Variants in RAP1GAP2 observed in about 807,000 individuals in gnomAD.
The protein encoded by RAP1GAP2 is rap1 GTPase-activating protein 2.
RAP1GAP2 carries 27 observed loss-of-function variants against 95.0 expected under a neutral mutation model. That is an observed-to-expected ratio of 0.28 (90% confidence interval 0.21 to 0.39). The LOEUF (loss-of-function observed/expected upper bound fraction) is 0.39, where lower values mean the gene tolerates loss of function less well. RAP1GAP2 is among the 10% of genes least tolerant of loss of function. The pLI is 1.00. For missense variants in RAP1GAP2, 771 were observed against 970.0 expected (o/e 0.79, Z 2.72); for synonymous variants, 373 against 380.9 (o/e 0.98, Z 0.24).
intron 19 of RAP1GAP2, 82 bp downstream of exon 19, chr17:3,020,677 A>G (rs2046931413): frequency 8.0e-7 from 1 of 1,252,486 alleles, no homozygotes; most frequent in African/African-American, 1.5e-5. Context: ...TCAGTGCCCT[A>G]CCTTGCAGGG....
intron 2 of RAP1GAP2, among the ~76,000 whole-genome samples, chr17:2,771,186 A>C (rs534934010): frequency 9.9e-4 from 150 of 152,186 alleles, no homozygotes; most frequent in African/African-American, 3.5e-3. Context: ...TGCTGGGCAC[A>C]CTTTGCTTTG....
intron 2 of RAP1GAP2, among the ~76,000 whole-genome samples, chr17:2,823,811 G>A (rs1165859485): frequency 6.6e-6 from 1 of 152,156 alleles, no homozygotes; most frequent in African/African-American, 2.4e-5. Context: ...AGAATGGGAA[G>A]CAACACGACT....
chr17:2,853,092 C>T (rs1200123789), intron 2 of RAP1GAP2, among the ~76,000 whole-genome samples: 2 of 152,084 alleles, frequency 1.3e-5, no homozygotes, highest in Non-Finnish European at 2.9e-5. Flanking sequence ...CTCCCAGGGC[C>T]GGGAGAGCCA....
Position 2,965,662 on chromosome 17 carries a change from T to C in RAP1GAP2, c.596+19T>C, listed in dbSNP as rs2044558827. Reference sequence around the variant, plus strand: ...TCCTTAGGTAGGGCTGTTGCGCTGCTTGAGGCCACTTCTCTTCCAGGCAGG... The same window carrying C: ...TCCTTAGGTAGGGCTGTTGCGCTGCCTGAGGCCACTTCTCTTCCAGGCAGG... On this transcript the variant is annotated intron_variant, in intron 8 of 24. Transcript: ENST00000254695. The surrounding 1 kb of genome is among the most constrained non-coding windows in gnomAD (Gnocchi z 4.7). 4 of 1,524,630 alleles carry C rather than the reference T, an allele frequency of 2.6e-6. No homozygotes were observed. Among genetic ancestry groups the C allele is most frequent in the South Asian group, 1.2e-5 (1 of 85,964 alleles). 94.4% of individuals were successfully genotyped at this position (1,524,630 alleles called of 1,614,324 possible).
chr17:2,927,016 A>G (rs1430968499), intron 3 of RAP1GAP2, among the ~76,000 whole-genome samples: 4 of 151,158 alleles, frequency 2.6e-5, no homozygotes, highest in Admixed American at 2.0e-4. Context: ...AAAAAAAAAA[A>G]AAAAAAAAAA....
At chr17:2,873,125 G>A (rs1438564817) in intron 2 of RAP1GAP2, among the ~76,000 whole-genome samples, 2 of 148,770 alleles carry the variant, frequency 1.3e-5, no homozygotes, top group African/African-American at 2.5e-5. Flanking sequence ...ACGGAAAATA[G>A]TACTTCATCT....
At chr17:2,772,857 T>TTC (rs202093042), upstream of RAP1GAP2, among the ~76,000 whole-genome samples, 1,484 of 132,400 alleles carry the variant, frequency 0.011, 15 homozygotes, top group African/African-American at 0.04. Context: ...CTTTCTTTCT[T>TTC]TTTTTTTTTT....
chr17:2,961,071 G>T (rs1337097237), intron 4 of RAP1GAP2, among the ~76,000 whole-genome samples: 3 of 151,464 alleles, frequency 2.0e-5, no homozygotes, highest in Admixed American at 6.6e-5. Flanking sequence ...CAAAAAACTA[G>T]CTGGGCATGG....
At position 2,780,065 on chromosome 17, in the gene RAP1GAP2, T is replaced by A. The variant is rs568591647; in HGVS notation, c.-14+2787T>A. ...TCCACAAGCCTCCTCGTTCCTTTTT[T>A]TTGAGATGGAGTTTCGCTCTTGTTG... On this transcript the variant is annotated intron_variant, in intron 1 of 24. Coordinates refer to the RAP1GAP2 transcript ENST00000540393. Among the ~76,000 whole-genome samples the A allele has an allele frequency of 7.2e-5, 11 of 152,260 alleles. No homozygotes were observed. The South Asian group carries it at 2.1e-3, about 29-fold the overall frequency.
In RAP1GAP2 at chr17:2,850,667, A is replaced by G. The variant is rs1349232873; in HGVS notation, c.80+50117A>G. On this transcript the variant is annotated intron_variant, in intron 2 of 24. Coordinates refer to ENST00000254695, the MANE Select transcript of RAP1GAP2 (RefSeq NM_015085.5). ...CGGGAGGCTGAGGCAGGGGAATGGC[A>G]TGAACCCGGTTGGCGGAAGTTGCAG... is the stretch of plus-strand genomic sequence containing the variant. 4.0e-5 allele frequency among the ~76,000 whole-genome samples: 6 copies of G among 148,300 alleles called. No homozygotes were observed. In the Admixed American group the frequency reaches 4.1e-4, roughly 10 times the overall value.
chr17:3,013,508 A>G (rs1367940136), intron 17 of RAP1GAP2, among the ~76,000 whole-genome samples: 1 of 151,772 alleles, frequency 6.6e-6, no homozygotes, highest in Non-Finnish European at 1.5e-5. Context: ...CTGACTCCTC[A>G]CACTTACCCA....
chr17:2,767,359 T>TAAAAA (rs397857982), intron 1 of RAP1GAP2, among the ~76,000 whole-genome samples: 6 of 53,708 alleles, frequency 1.1e-4, no homozygotes, highest in East Asian at 1.5e-3. Flanking sequence ...GAGACTCTGT[T>TAAAAA]AAAAAAAAAA....
chr17:2,853,272 G>C (rs193180517), intron 2 of RAP1GAP2, among the ~76,000 whole-genome samples: 1 of 151,856 alleles, frequency 6.6e-6, no homozygotes, highest in African/African-American at 2.4e-5. Flanking sequence ...CCGGGCTCAG[G>C]TGCCCCCTGT....
At chr17:2,945,359 A>T (rs946400231) in intron 3 of RAP1GAP2, among the ~76,000 whole-genome samples, 1 of 152,120 alleles carries the variant, frequency 6.6e-6, no homozygotes, top group African/African-American at 2.4e-5. Context: ...GACTTCCTTT[A>T]TCAGCTCTAG....
Position 2,797,462 on chromosome 17 carries a change from G to A in RAP1GAP2, c.44+891G>A, listed in dbSNP as rs1048443240. Among the ~76,000 whole-genome samples, 7 of 152,116 alleles carry A rather than the reference G, an allele frequency of 4.6e-5. No individual in the cohort carries two copies. The highest frequency in any genetic ancestry group is 2.1e-4 in the South Asian group (1 of 4,822). ...TCCTTTCAGTGCCTGGGCTGGGGGC[G>A]TTGTCAGACTGGGAGAGGGCCCCGC... On this transcript the variant is annotated intron_variant, in intron 1 of 24. Coordinates refer to ENST00000254695, the MANE Select transcript of RAP1GAP2 (RefSeq NM_015085.5). The surrounding 1 kb of genome is among the most constrained non-coding windows in gnomAD (Gnocchi z 5.6).
Position 3,023,651 on chromosome 17 carries a change from A to G in RAP1GAP2, c.1752-2357A>G, listed in dbSNP as rs1031671882. On this transcript the variant is annotated intron_variant, in intron 19 of 24. Coordinates refer to ENST00000254695, the MANE Select transcript of RAP1GAP2 (RefSeq NM_015085.5). ...TTTTATTTTACTTTTTTCTTTTATT[A>G]TTATACTTTAAGTTCTGGAATATAA... Among the ~76,000 whole-genome samples, 4 of 152,050 alleles carry G rather than the reference A, an allele frequency of 2.6e-5. No individual in the cohort carries two copies. In the South Asian group the frequency reaches 6.2e-4, roughly 24 times the overall value.
At chr17:3,026,321 G>T (rs1359328907) in intron 20 of RAP1GAP2, 29 bp from the exon 21 acceptor site, 2 of 1,525,602 alleles carry the variant, frequency 1.3e-6, no homozygotes, top group East Asian at 4.9e-5. Flanking sequence ...CGTGTGACCC[G>T]GGCTGGCCTC....
chr17:2,811,581 G>GT (rs887898010), intron 2 of RAP1GAP2, among the ~76,000 whole-genome samples: 3 of 152,036 alleles, frequency 2.0e-5, no homozygotes, highest in African/African-American at 7.2e-5. Flanking sequence ...GTATTTTTTT[G>GT]TTTTTTTGTT....
intron 2 of RAP1GAP2, among the ~76,000 whole-genome samples, chr17:2,861,571 G>A (rs1446187175): frequency 6.7e-6 from 1 of 150,144 alleles, no homozygotes; most frequent in Non-Finnish European, 1.5e-5. Flanking sequence ...AGGTTCAAGC[G>A]ATTCTCCTAC....
Sources: allele counts gnomAD v4.1 joint callset (sites outside exome capture counted in the v4.1 genomes callset), GRCh38; gene constraint gnomAD v4.1.1; non-coding constraint Gnocchi (gnomAD v3.1); transcripts MANE v1.5; gene names NCBI Gene and HGNC (gene_info 2026-07-23, HGNC 2026-07-21).